FBXW8: variants seen among roughly 807,000 people sequenced by gnomAD.
FBXW8 encodes F-box and WD repeat domain containing 8, also known as F-box/WD repeat-containing protein 8.
In FBXW8, 57 loss-of-function variants were observed where a neutral mutation model predicts 65.3. The observed-to-expected ratio is 0.87, with a 90% CI of 0.71 to 1.09. FBXW8 has a LOEUF of 1.09. FBXW8 is among the 50% of genes least tolerant of loss of function. The probability of loss-of-function intolerance (pLI) is 0.00; values close to 1 mark genes in which losing one functional copy is unlikely to be tolerated. For synonymous variants in FBXW8, 308 were observed against 330.2 expected, an observed-to-expected ratio of 0.93 and a Z score of 0.73; for missense variants, 777 against 814.8, an observed-to-expected ratio of 0.95 and a Z score of 0.57.
At chr12:116,939,702 A>G (rs1371275232) in intron 2 of FBXW8, among the ~76,000 whole-genome samples, 1 of 152,222 alleles carries the variant, frequency 6.6e-6, no homozygotes, top group East Asian at 1.9e-4. Context: ...TTTCCTGAGC[A>G]CGTTCTGCCT....
intron 7 of FBXW8, among the ~76,000 whole-genome samples, chr12:117,006,501 G>A (rs1029271873): frequency 6.6e-6 from 1 of 152,254 alleles, no homozygotes; most frequent in Non-Finnish European, 1.5e-5. Flanking sequence ...GGATGCTGCG[G>A]GGCCCGCCTG....
At chr12:117,026,334 C>G (rs1404824956) in intron 9 of FBXW8, among the ~76,000 whole-genome samples, 1 of 143,984 alleles carries the variant, frequency 6.9e-6, no homozygotes, top group African/African-American at 2.7e-5. Context: ...CCGGGTCTTT[C>G]TCATCCTCCA....
At position 116,955,036 on chromosome 12, in the gene FBXW8, TGGG is replaced by T. The variant is rs11375815; in HGVS notation, c.677+5340_677+5342del. Among the ~76,000 whole-genome samples the T allele has an allele frequency of 3.9e-5, 5 of 129,608 alleles. No individual in the cohort carries two copies. In the East Asian group the frequency reaches 1.2e-3, roughly 31 times the overall value. The allele number at this position is 129,608 out of a possible 152,430, so 85.0% of individuals were successfully genotyped here. A position where few individuals can be genotyped will look rare whatever the true frequency, so the allele number is the denominator to read the frequency against. On this transcript the variant is annotated intron_variant, in intron 4 of 10. Coordinates refer to ENST00000652555, the MANE Select transcript of FBXW8 (RefSeq NM_153348.3). ...TGCTGTTGACTTTCCCCTCTTGAAA[TGGG>T]GGGGGGGGGCCCTGTATTAAGCATC...
chr12:116,963,140 G>A (rs566125710), intron 4 of FBXW8, among the ~76,000 whole-genome samples: 8 of 152,272 alleles, frequency 5.3e-5, no homozygotes, highest in African/African-American at 1.2e-4. Flanking sequence ...TCCCACATGC[G>A]CACTCTCTGG....
intron 8 of FBXW8, among the ~76,000 whole-genome samples, chr12:117,015,680 C>A (rs1221948672): frequency 6.6e-6 from 1 of 152,200 alleles, no homozygotes; most frequent in Non-Finnish European, 1.5e-5. Flanking sequence ...AGTTTAGCAG[C>A]TGTACTGAGA....
At chr12:116,999,071 A>C (rs1030845331) in intron 7 of FBXW8, among the ~76,000 whole-genome samples, 4 of 152,178 alleles carry the variant, frequency 2.6e-5, no homozygotes, top group Admixed American at 2.6e-4. Flanking sequence ...TTGCAGATGA[A>C]TCCTTCTAAT....
chr12:116,973,313 A>G (rs1259872186), intron 5 of FBXW8, among the ~76,000 whole-genome samples: 1 of 152,190 alleles, frequency 6.6e-6, no homozygotes, highest in African/African-American at 2.4e-5. Context: ...CAAAAAATCA[A>G]TTGAGGCTAA....
chr12:116,976,446 G>C (rs1234911948), intron 5 of FBXW8, among the ~76,000 whole-genome samples: 1 of 133,758 alleles, frequency 7.5e-6, no homozygotes, highest in African/African-American at 2.8e-5. Context: ...GTTTCCAAAG[G>C]ATCCTTTTTT....
In FBXW8 at chr12:116,964,597, G is replaced by T. The variant is rs972924778; in HGVS notation, c.678-100G>T. Reference sequence around the variant, plus strand: ...CCTCAGCAGTGGCTCTACACCACCCGATTCTTACTTGTCTGTTGTTGTAAG... The same window carrying T: ...CCTCAGCAGTGGCTCTACACCACCCTATTCTTACTTGTCTGTTGTTGTAAG... On this transcript the variant is annotated intron_variant, in intron 4 of 10. Transcript: ENST00000652555. 17 of 1,435,646 alleles carry T rather than the reference G, an allele frequency of 1.2e-5. No individual in the cohort carries two copies. In the East Asian group the frequency reaches 3.7e-4, roughly 31 times the overall value. 88.9% of individuals were successfully genotyped at this position (1,435,646 alleles called of 1,614,324 possible).
chr12:116,924,025 C>T (rs1199199051), intron 1 of FBXW8, among the ~76,000 whole-genome samples: 2 of 152,212 alleles, frequency 1.3e-5, no homozygotes, highest in African/African-American at 2.4e-5. Context: ...AAATTACTTT[C>T]TCTAAATATT....
chr12:117,023,398 G>T (rs914808559), intron 8 of FBXW8, among the ~76,000 whole-genome samples: 3 of 152,082 alleles, frequency 2.0e-5, no homozygotes, highest in African/African-American at 7.2e-5. Flanking sequence ...TAATGAATTT[G>T]ATTTACTTTT....
At position 117,017,152 on chromosome 12, in the gene FBXW8, T is replaced by G. The variant is rs757171192; in HGVS notation, c.1367+6702T>G. On this transcript the variant is annotated intron_variant, in intron 8 of 10. Transcript: ENST00000652555. ...TATGGATGTAGGAAATACTCATGAC[T>G]TAGTTAATAACTAAATGTTTTAGTA... Among the ~76,000 whole-genome samples, 6 of 152,400 alleles carry G rather than the reference T, an allele frequency of 3.9e-5. No individual in the cohort carries two copies. In the South Asian group the frequency reaches 1.2e-3, roughly 32 times the overall value.
At chr12:116,945,987 G>A (rs1024660104) in intron 3 of FBXW8, among the ~76,000 whole-genome samples, 23 of 152,128 alleles carry the variant, frequency 1.5e-4, no homozygotes, top group Admixed American at 1.4e-3. Context: ...ACCTATTGGC[G>A]TGCTTCCATA....
chr12:116,942,583 C>T (rs1335182227), intron 2 of FBXW8, among the ~76,000 whole-genome samples: 16 of 151,504 alleles, frequency 1.1e-4, no homozygotes. Flanking sequence ...ACCATGTTGG[C>T]CAGGCTGGTC....
At chr12:116,997,964 T>C (rs11836743) in intron 7 of FBXW8, among the ~76,000 whole-genome samples, 11,306 of 152,234 alleles carry the variant, frequency 0.074, 1,077 homozygotes, top group African/African-American at 0.22. Context: ...TACAGGCGTG[T>C]GCCACCATGC....
chr12:117,027,453 A>G lies in FBXW8; in HGVS notation c.1601A>G (p.Tyr534Cys). 6.2e-7 allele frequency: 1 copy of G among 1,614,124 alleles called. No individual in the cohort carries two copies. The highest frequency in any genetic ancestry group is 2.2e-5 in the East Asian group (1 of 44,878). Residue 534 changes from tyrosine (Y) to cysteine (C), a missense_variant, in exon 10 of 11, where the codon TAC becomes TGC. Coordinates refer to ENST00000652555, the MANE Select transcript of FBXW8 (RefSeq NM_153348.3). ...AGCCTCATCACGGCCAACGTGCCTT[A>G]CCAGACGGTAATGCGAAACGCCGAC... ...SHSLITANVP[Y>C]QTVMRNADLD... is the part of the protein sequence containing the mutation.
chr12:116,964,588 A>G lies in FBXW8; in HGVS notation c.678-109A>G, dbSNP rs1884194219. 3.0e-6 allele frequency: 4 copies of G among 1,339,602 alleles called. No homozygotes were observed. The South Asian group carries it at 5.1e-5, about 17-fold the overall frequency. 83.0% of individuals were successfully genotyped at this position (1,339,602 alleles called of 1,614,324 possible). ...TAAACAGTGCCTCAGCAGTGGCTCT[A>G]CACCACCCGATTCTTACTTGTCTGT... On this transcript the variant is annotated intron_variant, in intron 4 of 10. Coordinates refer to ENST00000652555, the MANE Select transcript of FBXW8 (RefSeq NM_153348.3).
chr12:117,026,716 A>G (rs577511689), intron 9 of FBXW8, among the ~76,000 whole-genome samples: 2 of 152,310 alleles, frequency 1.3e-5, no homozygotes, highest in African/African-American at 2.4e-5. Flanking sequence ...GTTTTCTGGG[A>G]CTGCATCTTA....
At position 116,911,372 on chromosome 12, in the gene FBXW8, T is replaced by C. The variant is rs1023910487; in HGVS notation, c.318+17T>C. 1.1e-5 allele frequency: 14 copies of C among 1,237,332 alleles called. No individual in the cohort carries two copies. The highest frequency in any genetic ancestry group is 1.6e-5 in the African/African-American group (1 of 63,118). The allele number at this position is 1,237,332 out of a possible 1,614,324, so 76.6% of individuals were successfully genotyped here. ...CGCGACCTGGTGAGTGGCCGTCGCC[T>C]CCCCCCCGCCCATGCCTGCGCCGGC... On this transcript the variant is annotated intron_variant, in intron 1 of 10. Transcript: ENST00000652555.
Sources: allele counts gnomAD v4.1 joint callset (sites outside exome capture counted in the v4.1 genomes callset), GRCh38; gene constraint gnomAD v4.1.1; transcripts MANE v1.5; gene names NCBI Gene and HGNC (gene_info 2026-07-23, HGNC 2026-07-21).